The following UNC13C variants were observed in gnomAD, a reference collection of about 807,000 sequenced individuals.
The protein encoded by UNC13C is unc-13 homolog C, also known as protein unc-13 homolog C.
In UNC13C, 174 loss-of-function variants were observed where a neutral mutation model predicts 245.4. The observed-to-expected ratio is 0.71, with a 90% CI of 0.63 to 0.80. The LOEUF (loss-of-function observed/expected upper bound fraction) is 0.80. Among genes scored for constraint, UNC13C ranks in the 30% least tolerant of loss-of-function variants. The pLI is 0.00. For synonymous variants in UNC13C, 992 were observed against 895.1 expected (o/e 1.11, Z -1.93); for missense variants, 2,829 against 2,602.9 (o/e 1.09, Z -1.89).
intron 2 of UNC13C, among the ~76,000 whole-genome samples, chr15:54,024,099 C>T (rs58442750): frequency 0.016 from 2,421 of 152,278 alleles, 78 homozygotes; most frequent in African/African-American, 0.056. Flanking sequence ...GGAATAGCTA[C>T]ATCCAGTGGG....
At chr15:53,865,054 A>T in the UNC13C span, among the ~76,000 whole-genome samples, 24 of 152,350 alleles carry the variant, frequency 1.6e-4, no homozygotes, top group African/African-American at 5.8e-4. Context: ...ATGAGCAATG[A>T]GATAAAGTCT....
chr15:54,004,143 A>C (rs1157720635), intron 1 of UNC13C, among the ~76,000 whole-genome samples: 1 of 152,144 alleles, frequency 6.6e-6, no homozygotes, highest in African/African-American at 2.4e-5. Flanking sequence ...AACCATCTGC[A>C]TCTTCCTTCT....
chr15:54,428,258 GA>G, intron 19 of UNC13C, among the ~76,000 whole-genome samples: 1 of 151,668 alleles, frequency 6.6e-6, no homozygotes, highest in Non-Finnish European at 1.5e-5. Flanking sequence ...GTCACACACA[GA>G]ATGAAATCCA....
At chr15:53,991,412 G>A (rs1248255353) in intron 1 of UNC13C, among the ~76,000 whole-genome samples, 1 of 151,978 alleles carries the variant, frequency 6.6e-6, no homozygotes, top group Non-Finnish European at 1.5e-5. Context: ...TCTTTCTAGA[G>A]CAGAAAAAGT....
At chr15:53,967,881 T>C in the UNC13C span, 1 of 152,202 alleles carries the variant, frequency 6.6e-6, no homozygotes, top group Non-Finnish European at 1.5e-5. Context: ...AAAAAATGTA[T>C]CTGTAGATTC....
the UNC13C span, among the ~76,000 whole-genome samples, chr15:53,944,646 A>G: frequency 6.6e-6 from 1 of 152,068 alleles, no homozygotes; most frequent in African/African-American, 2.4e-5. Context: ...TACGTACCAC[A>G]TTTTCTTTAC....
intron 17 of UNC13C, among the ~76,000 whole-genome samples, chr15:54,367,080 A>G (rs984162171): frequency 2.9e-4 from 44 of 152,280 alleles, no homozygotes; most frequent in South Asian, 6.2e-4. Context: ...CATGACACTT[A>G]TTTATTAATT....
chr15:54,228,251 A>G (rs145618834), intron 4 of UNC13C, among the ~76,000 whole-genome samples: 9 of 152,140 alleles, frequency 5.9e-5, no homozygotes, highest in African/African-American at 2.2e-4. Flanking sequence ...TTTCAAAGCA[A>G]TGTGCTCCCA....
chr15:53,904,508 G>A, the UNC13C span, among the ~76,000 whole-genome samples: 9 of 152,030 alleles, frequency 5.9e-5, no homozygotes, highest in African/African-American at 2.2e-4. Context: ...CATTGTTTTA[G>A]TGTTTGCCGA....
chr15:53,877,165 A>G, the UNC13C span, among the ~76,000 whole-genome samples: 2 of 152,216 alleles, frequency 1.3e-5, no homozygotes, highest in Non-Finnish European at 2.9e-5. Context: ...CTAATATGCC[A>G]AAAATCCGTG....
intron 18 of UNC13C, among the ~76,000 whole-genome samples, chr15:54,412,109 G>A (rs1004422538): frequency 1.3e-5 from 2 of 152,048 alleles, no homozygotes; most frequent in African/African-American, 4.8e-5. Context: ...GGGAGGCTGA[G>A]GCAAGAGAAT....
intron 8 of UNC13C, among the ~76,000 whole-genome samples, chr15:54,252,536 T>C (rs918341421): frequency 5.9e-5 from 9 of 152,132 alleles, no homozygotes; most frequent in African/African-American, 2.2e-4. Flanking sequence ...AAAGAGGTCC[T>C]ACAAGTATGT....
chr15:54,289,986 A>C, intron 10 of UNC13C, among the ~76,000 whole-genome samples: 1 of 152,096 alleles, frequency 6.6e-6, no homozygotes, highest in East Asian at 1.9e-4. Context: ...TCAAAATGAA[A>C]GCAGAATGCT....
At chr15:54,001,053 C>G (rs1232544203) in intron 1 of UNC13C, among the ~76,000 whole-genome samples, 2 of 152,106 alleles carry the variant, frequency 1.3e-5, no homozygotes. Flanking sequence ...ACAAGATAAC[C>G]CTTTTCCTCT....
chr15:54,342,510 A>G (rs941428282), intron 17 of UNC13C, among the ~76,000 whole-genome samples: 1 of 151,936 alleles, frequency 6.6e-6, no homozygotes, highest in Non-Finnish European at 1.5e-5. Context: ...AGAGTGATCT[A>G]TGATTGCTCC....
chr15:54,333,387 T>G (rs964178246), intron 15 of UNC13C, among the ~76,000 whole-genome samples: 37 of 152,138 alleles, frequency 2.4e-4, no homozygotes, highest in African/African-American at 8.9e-4. Context: ...CCGAAGTATT[T>G]TTTAAAAAGT....
At chr15:53,969,667 C>G in the UNC13C span, among the ~76,000 whole-genome samples, 11 of 125,772 alleles carry the variant, frequency 8.7e-5, no homozygotes, top group East Asian at 2.6e-3. Flanking sequence ...GCCTGGGCAT[C>G]AGGTAAGGTG....
intron 2 of UNC13C, among the ~76,000 whole-genome samples, chr15:54,135,831 T>TA (rs1236474847): frequency 6.6e-6 from 1 of 152,152 alleles, no homozygotes; most frequent in East Asian, 1.9e-4. Context: ...TCTATTTCTG[T>TA]AAAAAAGCCA....
intron 4 of UNC13C, among the ~76,000 whole-genome samples, chr15:54,148,478 T>G (rs1011725322): frequency 6.6e-6 from 1 of 152,216 alleles, no homozygotes; most frequent in Non-Finnish European, 1.5e-5. Context: ...CTGACATTGC[T>G]TTTTTATTTG....
Sources: allele counts gnomAD v4.1 joint callset (sites outside exome capture counted in the v4.1 genomes callset), GRCh38; gene constraint gnomAD v4.1.1; transcripts MANE v1.5; gene names NCBI Gene and HGNC (gene_info 2026-07-23, HGNC 2026-07-21).